Variants in RAPGEF1 observed in about 807,000 individuals in gnomAD.
RAPGEF1 encodes Rap guanine nucleotide exchange factor 1.
Under a neutral mutation model 143.3 loss-of-function variants are expected in RAPGEF1, and 33 were observed. The ratio of observed to expected loss-of-function variants is 0.23; its 90% CI spans 0.17 to 0.31. The LOEUF is 0.31. RAPGEF1 is among the 10% of genes least tolerant of loss of function. The pLI, the probability that RAPGEF1 is intolerant of heterozygous loss-of-function variation, is 1.00. For missense variants in RAPGEF1, 1,199 were observed against 1,645.4 expected (o/e 0.73, Z 4.69); for synonymous variants, 629 against 676.5 (o/e 0.93, Z 1.09).
At chr9:131,624,629 G>C (rs1962373006) in intron 10 of RAPGEF1, among the ~76,000 whole-genome samples, 1 of 152,222 alleles carries the variant, frequency 6.6e-6, no homozygotes, top group Non-Finnish European at 1.5e-5. Context: ...AAGGAAAGGG[G>C]GTGAACCTGA....
chr9:131,736,899 C>T (rs1837453710), intron 1 of RAPGEF1, among the ~76,000 whole-genome samples: 2 of 152,172 alleles, frequency 1.3e-5, no homozygotes, highest in African/African-American at 4.8e-5. Context: ...GGCCTCTCCT[C>T]TGAATCAAAT....
chr9:131,719,032 C>T (rs1836067833), intron 1 of RAPGEF1, among the ~76,000 whole-genome samples: 1 of 152,078 alleles, frequency 6.6e-6, no homozygotes, highest in African/African-American at 2.4e-5. Flanking sequence ...CAGGGTCTCA[C>T]CATGTTGCCT....
chr9:131,709,981 G>A (rs1835393272), intron 1 of RAPGEF1: 5 of 979,020 alleles, frequency 5.1e-6, no homozygotes, highest in Non-Finnish European at 6.1e-6. Flanking sequence ...GCATCCTTTT[G>A]ACACTTTATT....
chr9:131,601,307 CAT>C (rs1156674146), intron 15 of RAPGEF1, among the ~76,000 whole-genome samples: 1 of 151,998 alleles, frequency 6.6e-6, no homozygotes, highest in African/African-American at 2.4e-5. Context: ...CACATGCACA[CAT>C]ATGTCTAGAA....
chr9:131,619,136 G>T lies in RAPGEF1; in HGVS notation c.1976C>A (p.Pro659His). The change falls in exon 12 of 27, where the codon CCC (proline) becomes CAC (histidine). Residue 659 changes from proline to histidine, a missense_variant. Around this residue, in one of 6 missense-constraint regions of RAPGEF1, gnomAD observed 293 missense variants for 356.2 expected, o/e 0.82. Transcript: ENST00000683357. ...GCCCTGAGCGGCACTGCCGTCCTCG[G>T]GGGTGAAGGCCACTTTAGTTTGCTG... Reference protein sequence around the residue: ...CVQQTKVAFTPEDGSAAQGLS... With the variant: ...CVQQTKVAFTHEDGSAAQGLS... The T allele has an allele frequency of 7.5e-7, 1 of 1,329,002 alleles. No homozygotes were observed. The allele number at this position is 1,329,002 out of a possible 1,614,324, so 82.3% of individuals were successfully genotyped here.
intron 1 of RAPGEF1, among the ~76,000 whole-genome samples, chr9:131,688,429 G>GCCAGGAAC (rs1312847644): frequency 6.6e-6 from 1 of 152,156 alleles, no homozygotes; most frequent in Non-Finnish European, 1.5e-5. Flanking sequence ...ATTAACATAA[G>GCCAGGAAC]CCAGGAACCT....
At chr9:131,613,651 T>G (rs1413687430) in intron 12 of RAPGEF1, among the ~76,000 whole-genome samples, 1 of 152,132 alleles carries the variant, frequency 6.6e-6, no homozygotes, top group Admixed American at 6.5e-5. Flanking sequence ...GAATGGGCAC[T>G]GCCTGCCTGT....
At chr9:131,735,310 T>G (rs1347404484) in intron 1 of RAPGEF1, among the ~76,000 whole-genome samples, 1 of 152,118 alleles carries the variant, frequency 6.6e-6, no homozygotes, top group Non-Finnish European at 1.5e-5. Context: ...AGGAGACTGG[T>G]CCCCTACCCC....
At position 131,629,149 on chromosome 9, in the gene RAPGEF1, G is replaced by A. The variant is rs367605587; in HGVS notation, c.846C>T (p.Val282=). ...CAGGCAGAGGAGGCTTGGGGGGCGC[G>A]ACCTCTTCATCCGTGGCATCTGGGA... is the stretch of plus-strand genomic sequence containing the variant. ...ELLPDATDEE[V]APPKPPLPGI... The change falls in exon 7 of 27, where the codon GTC becomes GTT. Residue 282 remains valine, a synonymous_variant. Transcript: ENST00000683357. The A allele has an allele frequency of 1.2e-4, 188 of 1,613,964 alleles. No homozygotes were observed. The highest frequency in any genetic ancestry group is 3.0e-4 in the Admixed American group (18 of 60,028).
chr9:131,604,235 A>G (rs911024102), intron 13 of RAPGEF1, among the ~76,000 whole-genome samples, 182 bp from the exon 14 acceptor site: 2 of 152,148 alleles, frequency 1.3e-5, no homozygotes, highest in Non-Finnish European at 2.9e-5. Flanking sequence ...TGCCCCTCCA[A>G]TGGTGTCTGG....
At chr9:131,589,463 T>G (rs891277257) in intron 19 of RAPGEF1, among the ~76,000 whole-genome samples, 1 of 152,252 alleles carries the variant, frequency 6.6e-6, no homozygotes, top group Non-Finnish European at 1.5e-5. Flanking sequence ...GATGGAGATT[T>G]GTTAGCGGAA....
At chr9:131,657,317 C>T (rs1042353811) in intron 1 of RAPGEF1, among the ~76,000 whole-genome samples, 3 of 152,174 alleles carry the variant, frequency 2.0e-5, no homozygotes, top group South Asian at 2.1e-4. Context: ...GGATGGAGGG[C>T]GACGTGAAGG....
intron 10 of RAPGEF1, among the ~76,000 whole-genome samples, chr9:131,622,542 G>A (rs1330331709): frequency 6.6e-6 from 1 of 152,176 alleles, no homozygotes; most frequent in Non-Finnish European, 1.5e-5. Context: ...AGCCACACTG[G>A]GGGTCCAGGT....
chr9:131,587,221 AAC>A (rs367860435), intron 22 of RAPGEF1, among the ~76,000 whole-genome samples: 20,356 of 60,562 alleles, frequency 0.34, 4,380 homozygotes, highest in Admixed American at 0.42. Flanking sequence ...CTCCGTCTCA[AAC>A]ACACACACAC....
chr9:131,628,011 C>G lies in RAPGEF1; in HGVS notation c.1103G>C (p.Cys368Ser). ...CTTGCTGAGCTTGCCTATGCTGCTGCAGGGGGAGAGGCGGGGCGACTCTCC... is the reference window on the plus strand; with the variant it reads ...CTTGCTGAGCTTGCCTATGCTGCTGGAGGGGGAGAGGCGGGGCGACTCTCC... Reference protein sequence around the residue: ...YGGESPRLSPCSSIGKLSKSD... With the variant: ...YGGESPRLSPSSSIGKLSKSD... The change falls in exon 9 of 27, where the codon TGC becomes TCC. Residue 368 changes from cysteine to serine, a missense_variant. This residue lies in a region of RAPGEF1 where 613 missense variants were observed against 710.9 expected (regional missense o/e 0.86). Coordinates refer to ENST00000683357, the MANE Select transcript of RAPGEF1 (RefSeq NM_001377935.1). The surrounding 1 kb of genome is among the most constrained non-coding windows in gnomAD (Gnocchi z 5.7). The G allele has an allele frequency of 6.3e-7, 1 of 1,595,840 alleles. No individual in the cohort carries two copies. The highest frequency in any genetic ancestry group is 8.5e-7 in the Non-Finnish European group (1 of 1,171,544).
chr9:131,679,044 G>C (rs747663317), intron 1 of RAPGEF1, among the ~76,000 whole-genome samples: 3 of 152,098 alleles, frequency 2.0e-5, no homozygotes, highest in Non-Finnish European at 4.4e-5. Context: ...AGAAGCAAAG[G>C]CTAAGAGGCA....
intron 18 of RAPGEF1, among the ~76,000 whole-genome samples, chr9:131,590,997 A>T (rs1954134648): frequency 6.6e-6 from 1 of 152,230 alleles, no homozygotes; most frequent in South Asian, 2.1e-4. Flanking sequence ...ACACACACAT[A>T]TTAAAAAATG....
chr9:131,658,969 C>G (rs1564640839), intron 1 of RAPGEF1, among the ~76,000 whole-genome samples: 2 of 152,180 alleles, frequency 1.3e-5, no homozygotes, highest in Non-Finnish European at 2.9e-5. Context: ...TGGGGAGTCT[C>G]TAAACATCAA....
chr9:131,578,668 T>G lies in RAPGEF1; in HGVS notation c.*829A>C, dbSNP rs956188037. On this transcript the variant is annotated 3_prime_UTR_variant, in exon 27 of 27. Coordinates refer to ENST00000683357, the MANE Select transcript of RAPGEF1 (RefSeq NM_001377935.1). ...CAGCTCTGGCCTCAGTTTGGTGAGG[T>G]TCAGAAGACTCCCAGCAATAAAAAG... 1 of 152,254 alleles carries G rather than the reference T, an allele frequency of 6.6e-6. No homozygotes were observed. The highest frequency in any genetic ancestry group is 1.5e-5 in the Non-Finnish European group (1 of 68,090). The allele number at this position is 152,254 out of a possible 1,614,324, so 9.4% of individuals were successfully genotyped here.
Sources: allele counts gnomAD v4.1 joint callset (sites outside exome capture counted in the v4.1 genomes callset), GRCh38; gene constraint gnomAD v4.1.1; regional missense constraint gnomAD v4.1.1; non-coding constraint Gnocchi (gnomAD v3.1); transcripts MANE v1.5; gene names NCBI Gene and HGNC (gene_info 2026-07-23, HGNC 2026-07-21).